Variants in PCDHA7 observed in about 807,000 individuals in gnomAD.
PCDHA7 encodes the protein protocadherin alpha 7.
PCDHA7 carries 37 observed loss-of-function variants against 57.2 expected under a neutral mutation model. The observed-to-expected ratio is 0.65, with a 90% CI of 0.50 to 0.85. The LOEUF is 0.85. PCDHA7 is among the 40% of genes least tolerant of loss of function. PCDHA7 has a pLI of 0.00. For missense variants in PCDHA7, 1,188 were observed against 1,241.8 expected (o/e 0.96, Z 0.65); for synonymous variants, 553 against 558.8 (o/e 0.99, Z 0.15).
chr5:140,847,939 G>A (rs2150405310), intron 1 of PCDHA7: 7 of 151,270 alleles, frequency 4.6e-5, no homozygotes, highest in African/African-American at 1.7e-4. Flanking sequence ...TGCAACTCCT[G>A]GATTTCTCTT....
chr5:140,868,889 C>A, intron 1 of PCDHA7: 1 of 744,508 alleles, frequency 1.3e-6, no homozygotes, highest in Non-Finnish European at 2.1e-6. Flanking sequence ...CAGTTTTAGG[C>A]GCAAGGTGTC....
At chr5:140,969,230 G>A (rs1554231609) in intron 1 of PCDHA7, 1 of 1,614,154 alleles carries the variant, frequency 6.2e-7, no homozygotes, top group South Asian at 1.1e-5. Flanking sequence ...GCCTTCGGGA[G>A]CCCAAGCAGC....
chr5:140,836,511 CTG>C lies in PCDHA7; in HGVS notation c.2130_2131del (p.Leu711GlyfsTer18). On this transcript the variant is annotated frameshift_variant, in exon 1 of 4. Coordinates refer to ENST00000525929, the MANE Select transcript of PCDHA7 (RefSeq NM_018910.3). LOFTEE classifies it high-confidence loss of function. ...CATCGCCATCTGCGCGGTGTCCAGT[CTG>C]TTGGTGCTTACCCTGCTGCTGTACA... ...LIIAICAVSS[L>X]LVLTLLLYTA... 1.2e-6 allele frequency: 2 copies of C among 1,613,860 alleles called. No individual in the cohort carries two copies. Among genetic ancestry groups the C allele is most frequent in the Non-Finnish European group, 1.7e-6 (2 of 1,179,852 alleles).
chr5:140,987,040 C>G (rs916995346), intron 3 of PCDHA7, among the ~76,000 whole-genome samples: 1 of 151,880 alleles, frequency 6.6e-6, no homozygotes, highest in Non-Finnish European at 1.5e-5. Flanking sequence ...ATGGCGAAAC[C>G]CCATCTCTAC....
intron 1 of PCDHA7, among the ~76,000 whole-genome samples, chr5:140,912,892 A>T (rs1554195590): frequency 2.0e-5 from 3 of 152,210 alleles, no homozygotes. Context: ...TTCTGTTGAT[A>T]TGATGTATCA....
At chr5:140,910,924 A>T (rs568597600) in intron 1 of PCDHA7, among the ~76,000 whole-genome samples, 1 of 152,142 alleles carries the variant, frequency 6.6e-6, no homozygotes, top group Admixed American at 6.5e-5. Flanking sequence ...GCTTATATAA[A>T]TAAGAAAGCT....
At chr5:140,848,181 G>A (rs1434722378) in intron 1 of PCDHA7, 4 of 268,526 alleles carry the variant, frequency 1.5e-5, no homozygotes, top group Admixed American at 1.5e-4. Context: ...CAAGAGAAAC[G>A]GGATCTTCTG....
intron 1 of PCDHA7, among the ~76,000 whole-genome samples, chr5:140,974,825 A>G (rs2096642596): frequency 6.6e-6 from 1 of 152,198 alleles, no homozygotes; most frequent in Admixed American, 6.5e-5. Flanking sequence ...ATGCAACATA[A>G]TGATTATTTT....
chr5:140,836,407 C>A lies in PCDHA7; in HGVS notation c.2024C>A (p.Ala675Glu). The A allele has an allele frequency of 6.2e-7, 1 of 1,613,770 alleles. No homozygotes were observed. Among genetic ancestry groups the A allele is most frequent in the Non-Finnish European group, 8.5e-7 (1 of 1,179,854 alleles). ...GTGTCGCTGGTGGAAAGCGGCCAGGCACCAAAGGCGTCGTCGCGGGCATCG... is the reference window on the plus strand; with the variant it reads ...GTGTCGCTGGTGGAAAGCGGCCAGGAACCAAAGGCGTCGTCGCGGGCATCG... Reference protein sequence around the residue: ...VLVSLVESGQAPKASSRASLG... With the variant: ...VLVSLVESGQEPKASSRASLG... Residue 675 changes from alanine to glutamate, a missense_variant, in exon 1 of 4, where the codon GCA becomes GAA. This residue lies in a region of PCDHA7 where 892 missense variants were observed against 788.5 expected (regional missense o/e 1.13). Coordinates refer to ENST00000525929, the MANE Select transcript of PCDHA7 (RefSeq NM_018910.3).
chr5:141,001,943 A>G (rs1197227753), intron 3 of PCDHA7, among the ~76,000 whole-genome samples: 1 of 147,256 alleles, frequency 6.8e-6, no homozygotes, highest in African/African-American at 2.7e-5. Flanking sequence ...GAGCGGAAAT[A>G]AGGAGGAGGG....
chr5:141,000,387 CTCTCTCTCTATATATA>C (rs1282156924), intron 3 of PCDHA7, among the ~76,000 whole-genome samples: 8 of 66,888 alleles, frequency 1.2e-4, no homozygotes, highest in African/African-American at 4.0e-4. Flanking sequence ...CTCTCTCTCT[CTCTCTCTCTATATATA>C]TATATATATA....
chr5:140,988,268 G>A (rs1463795699), intron 3 of PCDHA7, among the ~76,000 whole-genome samples: 3 of 152,160 alleles, frequency 2.0e-5, no homozygotes, highest in Non-Finnish European at 4.4e-5. Context: ...AGTATCCTTC[G>A]CTGTCACCTG....
Position 140,857,494 on chromosome 5 carries a change from C to A in PCDHA7, c.2355+20756C>A, listed in dbSNP as rs189056024. Reference sequence around the variant, plus strand: ...TCACGGTGTCTGCGTGGGACGCGGACGCGCAGGAGAACGCCCTGGTGTCCT... The same window carrying A: ...TCACGGTGTCTGCGTGGGACGCGGAAGCGCAGGAGAACGCCCTGGTGTCCT... On this transcript the variant is annotated intron_variant, in intron 1 of 3. Coordinates refer to ENST00000525929, the MANE Select transcript of PCDHA7 (RefSeq NM_018910.3). 3.8e-5 allele frequency: 60 copies of A among 1,598,330 alleles called. 2 individuals are homozygous for A. In the East Asian group the frequency reaches 1.2e-3, roughly 32 times the overall value.
intron 1 of PCDHA7, among the ~76,000 whole-genome samples, chr5:140,873,389 T>C (rs2054266406): frequency 6.6e-6 from 1 of 152,220 alleles, no homozygotes; most frequent in Admixed American, 6.5e-5. Flanking sequence ...GACTTGGGAA[T>C]GTTTTCAGTA....
At chr5:140,969,251 A>T in intron 1 of PCDHA7, 3 of 1,614,262 alleles carry the variant, frequency 1.9e-6, no homozygotes, top group Non-Finnish European at 2.5e-6. Context: ...AGTGACTGAC[A>T]GCAGGAATCT....
At chr5:140,883,960 G>C in intron 1 of PCDHA7, 5 of 1,613,090 alleles carry the variant, frequency 3.1e-6, no homozygotes, top group Non-Finnish European at 4.2e-6. Flanking sequence ...ACGCTCCGGC[G>C]CTGCTGACGC....
intron 1 of PCDHA7, chr5:140,871,080 G>A: frequency 6.2e-7 from 1 of 1,613,212 alleles, no homozygotes; most frequent in Non-Finnish European, 8.5e-7. Flanking sequence ...CGGCGCTGAC[G>A]GCCACGGCCA....
chr5:140,975,207 G>A (rs2096658071), intron 1 of PCDHA7, among the ~76,000 whole-genome samples: 1 of 152,180 alleles, frequency 6.6e-6, no homozygotes. Flanking sequence ...CTTCATGGCT[G>A]GCACTGGAGA....
chr5:140,958,295 C>A (rs1405336220), intron 1 of PCDHA7, among the ~76,000 whole-genome samples: 1 of 151,884 alleles, frequency 6.6e-6, no homozygotes, highest in African/African-American at 2.4e-5. Context: ...TATTATTGAA[C>A]TTAATTAAAA....
Sources: allele counts gnomAD v4.1 joint callset (sites outside exome capture counted in the v4.1 genomes callset), GRCh38; gene constraint gnomAD v4.1.1; regional missense constraint gnomAD v4.1.1; transcripts MANE v1.5; gene names NCBI Gene and HGNC (gene_info 2026-07-23, HGNC 2026-07-21).